SLC30A8: variants seen among roughly 807,000 people sequenced by gnomAD.
SLC30A8 encodes the protein solute carrier family 30 member 8.
A neutral mutation model predicts 36.9 loss-of-function variants in SLC30A8; 27 were observed. That is an observed-to-expected ratio of 0.73 (90% CI 0.54 to 1.01). SLC30A8 has a LOEUF of 1.01. SLC30A8 is among the 50% of genes least tolerant of loss of function. The pLI, the probability that SLC30A8 is intolerant of heterozygous loss-of-function variation, is 0.00. For missense variants in SLC30A8, 439 were observed against 452.0 expected, an observed-to-expected ratio of 0.97 and a Z score of 0.26; for synonymous variants, 164 against 172.4, an observed-to-expected ratio of 0.95 and a Z score of 0.38.
intron 1 of SLC30A8, among the ~76,000 whole-genome samples, chr8:117,017,744 G>A (rs1331639478): frequency 7.9e-5 from 12 of 152,218 alleles, no homozygotes; most frequent in Admixed American, 7.9e-4. Context: ...CCCAGGCCAT[G>A]GAAGACCTTG....
intron 5 of SLC30A8, among the ~76,000 whole-genome samples, chr8:117,162,614 G>T (rs1376111417): frequency 6.6e-6 from 1 of 152,162 alleles, no homozygotes; most frequent in Non-Finnish European, 1.5e-5. Flanking sequence ...ACAATTGTCT[G>T]ATTTGCAGAG....
rs983394856 is a variant in SLC30A8 at position 117,174,622 on chromosome 8, C to G, written c.*1941C>G. Reference sequence around the variant, plus strand: ...GTTTTTCCATATTTTGCATAGGACGCCCTAAAGACTAGGTGACTTGGCAAA... The same window carrying G: ...GTTTTTCCATATTTTGCATAGGACGGCCTAAAGACTAGGTGACTTGGCAAA... On this transcript the variant is annotated 3_prime_UTR_variant, in exon 8 of 8. Transcript: ENST00000456015. The G allele has an allele frequency of 2.0e-5, 3 of 152,544 alleles. No individual in the cohort carries two copies. Among genetic ancestry groups the G allele is most frequent in the Non-Finnish European group, 4.4e-5 (3 of 68,030 alleles). The allele number at this position is 152,544 out of a possible 1,614,324, so 9.4% of individuals were successfully genotyped here. A position where few individuals can be genotyped will look rare whatever the true frequency, so the allele number is the denominator to read the frequency against.
chr8:117,023,816 C>T (rs933889015), intron 1 of SLC30A8, among the ~76,000 whole-genome samples: 1 of 151,822 alleles, frequency 6.6e-6, no homozygotes, highest in African/African-American at 2.4e-5. Flanking sequence ...CACATGTATA[C>T]ATGTGTAACT....
chr8:117,065,712 A>T (rs925571917), intron 2 of SLC30A8, among the ~76,000 whole-genome samples: 2 of 152,130 alleles, frequency 1.3e-5, no homozygotes, highest in African/African-American at 4.8e-5. Context: ...AAATGATGCA[A>T]GCTGGGGCAA....
chr8:117,119,488 G>A (rs191447841), intron 2 of SLC30A8, among the ~76,000 whole-genome samples: 2 of 151,940 alleles, frequency 1.3e-5, no homozygotes, highest in East Asian at 2.0e-4. Context: ...GAAGTCAAGG[G>A]GAATGAGAGA....
upstream of SLC30A8, among the ~76,000 whole-genome samples, chr8:117,133,471 G>A (rs1485830047): frequency 6.6e-6 from 1 of 151,968 alleles, no homozygotes; most frequent in Non-Finnish European, 1.5e-5. Flanking sequence ...TCGCATGGAG[G>A]AATCTCAAAC....
In SLC30A8 at chr8:117,163,653, AG is replaced by A. The variant is rs1412362321; in HGVS notation, c.829+125del. On this transcript the variant is annotated intron_variant, in intron 6 of 7. Coordinates refer to ENST00000456015, the MANE Select transcript of SLC30A8 (RefSeq NM_173851.3). The stretch of plus-strand genomic sequence containing the variant: ...ATTATGGGAAAAATTTAAAGTGAAA[AG>A]GAATTTTTGTGAAAACAATCATTTG... 2.9e-5 allele frequency: 21 copies of A among 720,910 alleles called. No homozygotes were observed. In the African/African-American group the frequency reaches 3.8e-4, roughly 13 times the overall value. 44.7% of individuals were successfully genotyped at this position (720,910 alleles called of 1,614,324 possible).
rs1264823419 is a variant in SLC30A8 at position 117,153,082 on chromosome 8, A to C, written c.410A>C (p.His137Pro). The change falls in exon 3 of 8, where the codon CAC (histidine) becomes CCC (proline). Residue 137 changes from histidine (H) to proline (P), a missense_variant. Transcript: ENST00000456015. ...TCTAAGCGGCTGACATTTGGATGGC[A>C]CCGAGCAGGTACGGTTCATAGAGTG... ...PPSKRLTFGWHRAEILGALLS... is the reference protein window; with the variant it reads ...PPSKRLTFGWPRAEILGALLS... The C allele has an allele frequency of 6.2e-7, 1 of 1,609,438 alleles. No homozygotes were observed. Among genetic ancestry groups the C allele is most frequent in the East Asian group, 2.2e-5 (1 of 44,822 alleles).
intron 2 of SLC30A8, among the ~76,000 whole-genome samples, chr8:117,108,734 C>A (rs1202525141): frequency 6.6e-6 from 1 of 152,168 alleles, no homozygotes; most frequent in Non-Finnish European, 1.5e-5. Flanking sequence ...TTAATGACTT[C>A]ACTCTACAAA....
intron 2 of SLC30A8, among the ~76,000 whole-genome samples, chr8:117,076,196 T>C (rs1818482919): frequency 2.0e-5 from 3 of 152,242 alleles, no homozygotes; most frequent in Non-Finnish European, 4.4e-5. Context: ...TATTATATCA[T>C]GCCAGATATG....
intron 1 of SLC30A8, among the ~76,000 whole-genome samples, chr8:117,021,976 G>C (rs1055257064): frequency 1.3e-5 from 2 of 151,832 alleles, no homozygotes; most frequent in Non-Finnish European, 2.9e-5. Context: ...AATGAATCTT[G>C]ATACTAGATA....
intron 1 of SLC30A8, among the ~76,000 whole-genome samples, chr8:116,954,494 GA>G (rs1474019947): frequency 6.6e-6 from 1 of 152,116 alleles, no homozygotes; most frequent in African/African-American, 2.4e-5. Context: ...TGGTGTCAAA[GA>G]AAACTAGTAA....
chr8:117,023,961 A>G (rs192847914), intron 1 of SLC30A8, among the ~76,000 whole-genome samples: 25 of 152,262 alleles, frequency 1.6e-4, no homozygotes, highest in African/African-American at 4.6e-4. Flanking sequence ...TACCAGTTTC[A>G]TTCAATTGAT....
intron 7 of SLC30A8, 87 bp downstream of exon 7, chr8:117,171,255 T>G: frequency 7.2e-7 from 1 of 1,382,064 alleles, no homozygotes; most frequent in Non-Finnish European, 1.0e-6. Context: ...AGAGCTGCCC[T>G]TATTGTCTGT....
intron 1 of SLC30A8, among the ~76,000 whole-genome samples, chr8:117,011,283 T>C (rs1240161322): frequency 6.6e-6 from 1 of 152,188 alleles, no homozygotes; most frequent in African/African-American, 2.4e-5. Context: ...ACCAGGTGGT[T>C]TTAACTGGGT....
chr8:117,161,882 C>T lies in SLC30A8; in HGVS notation c.717C>T (p.Tyr239=). Residue 239 remains tyrosine, a synonymous_variant, in exon 5 of 8, where the codon TAC becomes TAT. Coordinates refer to ENST00000456015, the MANE Select transcript of SLC30A8 (RefSeq NM_173851.3). ...TGCTAATTAGTGCACTTATTATCTA[C>T]TTTAAGGTGAGTTTGAGTTTACCCA... is the stretch of plus-strand genomic sequence containing the variant. ...ISVLISALII[Y]FKPEYKIADP... 2.5e-6 allele frequency: 4 copies of T among 1,611,388 alleles called. No homozygotes were observed. Among genetic ancestry groups the T allele is most frequent in the Non-Finnish European group, 3.4e-6 (4 of 1,178,200 alleles).
intron 1 of SLC30A8, among the ~76,000 whole-genome samples, chr8:117,016,969 C>T (rs1472952263): frequency 1.3e-5 from 2 of 151,852 alleles, no homozygotes; most frequent in Admixed American, 6.6e-5. Context: ...GGAAGATCGT[C>T]GAGGTTTAAG....
intron 1 of SLC30A8, among the ~76,000 whole-genome samples, chr8:117,013,850 C>T (rs1387454926): frequency 6.6e-6 from 1 of 152,096 alleles, no homozygotes; most frequent in Non-Finnish European, 1.5e-5. Context: ...AACAAAGCCT[C>T]TCTGTAGGTC....
intron 1 of SLC30A8, among the ~76,000 whole-genome samples, chr8:117,142,787 CTA>C (rs748167927): frequency 1.5e-4 from 23 of 152,136 alleles, no homozygotes; most frequent in Non-Finnish European, 2.6e-4. Flanking sequence ...ATTCATCATA[CTA>C]TATAGCCTCT....
Sources: allele counts gnomAD v4.1 joint callset (sites outside exome capture counted in the v4.1 genomes callset), GRCh38; gene constraint gnomAD v4.1.1; transcripts MANE v1.5; gene names NCBI Gene and HGNC (gene_info 2026-07-23, HGNC 2026-07-21).